The following KHDRBS2 variants were observed in gnomAD, a reference collection of about 807,000 sequenced individuals.
KHDRBS2 encodes KH domain-containing, RNA-binding, signal transduction-associated protein 2.
Under a neutral mutation model 44.3 loss-of-function variants are expected in KHDRBS2, and 26 were observed. The observed-to-expected ratio is 0.59, with a 90% confidence interval of 0.43 to 0.81. The LOEUF (loss-of-function observed/expected upper bound fraction) is 0.81, where lower values mean the gene tolerates loss of function less well. KHDRBS2 is among the 40% of genes least tolerant of loss of function. KHDRBS2 has a pLI of 0.00. For synonymous variants in KHDRBS2, 194 were observed against 151.1 expected (o/e 1.28, Z -2.08); for missense variants, 476 against 433.1 (o/e 1.10, Z -0.88).
At chr6:62,078,016 G>A (rs529335999) in intron 2 of KHDRBS2, among the ~76,000 whole-genome samples, 1 of 152,002 alleles carries the variant, frequency 6.6e-6, no homozygotes, top group Non-Finnish European at 1.5e-5. Flanking sequence ...AAATGCACAC[G>A]TAGCATCATT....
chr6:62,251,556 C>T (rs140419011), intron 1 of KHDRBS2, among the ~76,000 whole-genome samples: 2 of 151,870 alleles, frequency 1.3e-5, no homozygotes, highest in Non-Finnish European at 2.9e-5. Flanking sequence ...AAAGTCCCTA[C>T]ACTTACAACA....
chr6:61,869,964 G>GTTTT (rs59518436), intron 6 of KHDRBS2, among the ~76,000 whole-genome samples: 52 of 108,968 alleles, frequency 4.8e-4, no homozygotes, highest in African/African-American at 1.4e-3. Context: ...CTGCAGGAGT[G>GTTTT]TTTTTTTTTT....
intron 1 of KHDRBS2, among the ~76,000 whole-genome samples, chr6:62,264,063 G>A (rs1057446991): frequency 2.6e-5 from 4 of 151,586 alleles, no homozygotes; most frequent in South Asian, 2.1e-4. Context: ...CTCATTTGAC[G>A]TCAACCTGCC....
the KHDRBS2 span, among the ~76,000 whole-genome samples, chr6:61,655,221 TACATAC>T: frequency 8.9e-6 from 1 of 112,168 alleles, no homozygotes; most frequent in African/African-American, 3.2e-5. Context: ...AATACATACA[TACATAC>T]ACACACACAC....
chr6:61,697,163 A>G (rs376353430), intron 8 of KHDRBS2, 32 bp downstream of exon 8: 3 of 1,418,766 alleles, frequency 2.1e-6, no homozygotes, highest in Middle Eastern at 1.7e-4. Context: ...GGATGTTCCG[A>G]TTTCACAGTT....
intron 3 of KHDRBS2, among the ~76,000 whole-genome samples, chr6:61,997,996 A>AT (rs1396897087): frequency 6.6e-6 from 1 of 152,210 alleles, no homozygotes; most frequent in African/African-American, 2.4e-5. Context: ...TGGTTTACTA[A>AT]TGTTCTCTAA....
chr6:61,680,516 T>G lies in KHDRBS2; in HGVS notation c.*447A>C, dbSNP rs1446575059. 1 of 152,272 alleles carries G rather than the reference T, an allele frequency of 6.6e-6. No homozygotes were observed. Among genetic ancestry groups the G allele is most frequent in the African/African-American group, 2.4e-5 (1 of 41,354 alleles). 9.4% of individuals were successfully genotyped at this position (152,272 alleles called of 1,614,324 possible). A position where few individuals can be genotyped will look rare whatever the true frequency, so the allele number is the denominator to read the frequency against. On this transcript the variant is annotated 3_prime_UTR_variant, in exon 9 of 9. Transcript: ENST00000281156. Reference sequence around the variant, plus strand: ...AGATATTAAAAGACAGGTTAAAACATCTTATCTACAACTTTATTATCAGCT... The same window carrying G: ...AGATATTAAAAGACAGGTTAAAACAGCTTATCTACAACTTTATTATCAGCT...
intron 6 of KHDRBS2, among the ~76,000 whole-genome samples, chr6:61,747,504 T>C (rs1258006292): frequency 6.6e-6 from 1 of 152,214 alleles, no homozygotes; most frequent in Non-Finnish European, 1.5e-5. Context: ...CTTACATTGA[T>C]AAATGTAAAG....
rs144228215 is a variant in KHDRBS2 at position 62,150,560 on chromosome 6, C to G, written c.219+26625G>C. On this transcript the variant is annotated intron_variant, in intron 2 of 8. Coordinates refer to ENST00000281156, the MANE Select transcript of KHDRBS2 (RefSeq NM_152688.4). ...AAGTCCCATTTCAGGGCATAAATAC[C>G]AAACCATAATGTTTTATTTTCTTTC... is the stretch of plus-strand genomic sequence containing the variant. Among the ~76,000 whole-genome samples the G allele has an allele frequency of 1.3e-3, 198 of 152,132 alleles. 2 individuals carry two copies. The highest frequency in any genetic ancestry group is 8.9e-3 in the East Asian group (46 of 5,160).
At chr6:61,674,728 G>C in the KHDRBS2 span, among the ~76,000 whole-genome samples, 1 of 151,514 alleles carries the variant, frequency 6.6e-6, no homozygotes, top group African/African-American at 2.4e-5. Flanking sequence ...GTTAAACATT[G>C]TTTTAGCAAC....
chr6:61,876,437 A>G (rs1799417620), intron 6 of KHDRBS2, among the ~76,000 whole-genome samples: 1 of 152,014 alleles, frequency 6.6e-6, no homozygotes, highest in Non-Finnish European at 1.5e-5. Flanking sequence ...GAGGTGACAC[A>G]GAAGAATTTA....
chr6:62,052,784 C>G (rs1436038862), intron 2 of KHDRBS2, among the ~76,000 whole-genome samples: 1 of 152,014 alleles, frequency 6.6e-6, no homozygotes, highest in African/African-American at 2.4e-5. Flanking sequence ...CAGGGTTGAT[C>G]TGACAGGAGG....
chr6:62,162,464 C>T (rs1298837647), intron 2 of KHDRBS2, among the ~76,000 whole-genome samples: 1 of 152,048 alleles, frequency 6.6e-6, no homozygotes, highest in African/African-American at 2.4e-5. Flanking sequence ...ATTAAGTATA[C>T]CTGTGTGTAA....
chr6:61,678,395 C>T (rs1766063666), downstream of KHDRBS2, among the ~76,000 whole-genome samples: 1 of 151,954 alleles, frequency 6.6e-6, no homozygotes, highest in African/African-American at 2.4e-5. Context: ...AAGCAAAAAG[C>T]TTACTGATCA....
At chr6:62,262,390 T>C (rs1838496085) in intron 1 of KHDRBS2, among the ~76,000 whole-genome samples, 1 of 151,688 alleles carries the variant, frequency 6.6e-6, no homozygotes, top group South Asian at 2.1e-4. Context: ...CCAGGTGAAA[T>C]TAACCCCAAC....
chr6:61,938,930 C>T (rs1811570317), intron 4 of KHDRBS2, among the ~76,000 whole-genome samples: 1 of 151,932 alleles, frequency 6.6e-6, no homozygotes, highest in East Asian at 1.9e-4. Flanking sequence ...GAAAAAAATT[C>T]TGAAAAGAGC....
intron 3 of KHDRBS2, among the ~76,000 whole-genome samples, chr6:62,010,319 T>C (rs755659589): frequency 1.2e-4 from 19 of 152,128 alleles, no homozygotes; most frequent in East Asian, 3.9e-4. Flanking sequence ...TGCTCCCCCA[T>C]TGTATCTATT....
At chr6:62,239,100 T>C (rs533681900) in intron 1 of KHDRBS2, among the ~76,000 whole-genome samples, 2 of 152,336 alleles carry the variant, frequency 1.3e-5, no homozygotes, top group African/African-American at 2.4e-5. Flanking sequence ...AAATGGACTA[T>C]GTAAATTAAG....
At chr6:61,583,954 T>A in the KHDRBS2 span, among the ~76,000 whole-genome samples, 1 of 151,718 alleles carries the variant, frequency 6.6e-6, no homozygotes, top group African/African-American at 2.4e-5. Context: ...TTTGCATAAC[T>A]GTTTAATGTT....
Sources: allele counts gnomAD v4.1 joint callset (sites outside exome capture counted in the v4.1 genomes callset), GRCh38; gene constraint gnomAD v4.1.1; transcripts MANE v1.5; gene names NCBI Gene and HGNC (gene_info 2026-07-23, HGNC 2026-07-21).